KHDRBS2: variants seen among roughly 807,000 people sequenced by gnomAD.
KHDRBS2 encodes KH domain-containing, RNA-binding, signal transduction-associated protein 2.
A neutral mutation model predicts 44.3 loss-of-function variants in KHDRBS2; 26 were observed. The ratio of observed to expected loss-of-function variants is 0.59; its 90% confidence interval spans 0.43 to 0.81. KHDRBS2 has a LOEUF of 0.81. Ranked by LOEUF, KHDRBS2 falls within the 40% of genes least tolerant of loss-of-function variation. The pLI, the probability that KHDRBS2 is intolerant of heterozygous loss-of-function variation, is 0.00. For synonymous variants in KHDRBS2, 194 were observed against 151.1 expected (o/e 1.28, Z -2.08); for missense variants, 476 against 433.1 (o/e 1.10, Z -0.88).
At chr6:62,036,636 A>G (rs933833755) in intron 3 of KHDRBS2, among the ~76,000 whole-genome samples, 1 of 152,016 alleles carries the variant, frequency 6.6e-6, no homozygotes, top group Non-Finnish European at 1.5e-5. Context: ...GGCTTGGAAA[A>G]GTGTATTTCT....
chr6:62,071,721 C>T (rs1358287503), intron 2 of KHDRBS2, among the ~76,000 whole-genome samples: 1 of 152,142 alleles, frequency 6.6e-6, no homozygotes, highest in East Asian at 1.9e-4. Context: ...GGTACCAGTA[C>T]CATGCTGTTT....
intron 1 of KHDRBS2, among the ~76,000 whole-genome samples, chr6:62,239,809 C>T (rs568992844): frequency 6.6e-6 from 1 of 151,924 alleles, no homozygotes; most frequent in African/African-American, 2.4e-5. Flanking sequence ...TCTCAGCCTC[C>T]TGAGTAGCTG....
At chr6:62,187,051 T>A (rs545520131) in intron 1 of KHDRBS2, among the ~76,000 whole-genome samples, 2 of 152,132 alleles carry the variant, frequency 1.3e-5, no homozygotes, top group Non-Finnish European at 2.9e-5. Flanking sequence ...AGATCTTACA[T>A]TGATATTCCA....
chr6:61,876,132 C>T (rs1213534892), intron 6 of KHDRBS2, among the ~76,000 whole-genome samples: 1 of 152,014 alleles, frequency 6.6e-6, no homozygotes, highest in Non-Finnish European at 1.5e-5. Flanking sequence ...TTTATGGCCT[C>T]CAAACCATTA....
chr6:62,014,124 T>G (rs187516622), intron 3 of KHDRBS2, among the ~76,000 whole-genome samples: 3 of 152,322 alleles, frequency 2.0e-5, no homozygotes, highest in Non-Finnish European at 4.4e-5. Flanking sequence ...GTGTGGTGTA[T>G]GTACTAATTG....
intron 2 of KHDRBS2, among the ~76,000 whole-genome samples, chr6:62,081,880 T>A (rs1797468849): frequency 6.6e-6 from 1 of 152,036 alleles, no homozygotes; most frequent in Non-Finnish European, 1.5e-5. Context: ...ATACACAAAG[T>A]CACCTACTCT....
At chr6:61,612,419 C>T in the KHDRBS2 span, among the ~76,000 whole-genome samples, 1 of 152,230 alleles carries the variant, frequency 6.6e-6, no homozygotes, top group Admixed American at 6.5e-5. Flanking sequence ...TGGTCATTTC[C>T]CAACCAGCTC....
intron 1 of KHDRBS2, among the ~76,000 whole-genome samples, chr6:62,282,333 T>G (rs1378964306): frequency 6.6e-6 from 1 of 152,118 alleles, no homozygotes; most frequent in Non-Finnish European, 1.5e-5. Flanking sequence ...GCGCCTACAG[T>G]TTTTTGAAAA....
chr6:62,220,447 C>T (rs932119300), intron 1 of KHDRBS2, among the ~76,000 whole-genome samples: 15 of 151,730 alleles, frequency 9.9e-5, no homozygotes, highest in Non-Finnish European at 1.5e-4. Flanking sequence ...CACAAATATA[C>T]ATAAGTGTAT....
chr6:61,982,804 G>C (rs1011150147), intron 3 of KHDRBS2, among the ~76,000 whole-genome samples: 1 of 152,200 alleles, frequency 6.6e-6, no homozygotes, highest in African/African-American at 2.4e-5. Flanking sequence ...GGCCTCAGTA[G>C]ACTAAGAAAG....
chr6:61,604,468 C>A, the KHDRBS2 span, among the ~76,000 whole-genome samples: 3 of 152,320 alleles, frequency 2.0e-5, no homozygotes, highest in Non-Finnish European at 2.9e-5. Flanking sequence ...GCAAATGGTT[C>A]TTGGACCAAA....
At chr6:61,684,258 T>G (rs1461565288) in intron 8 of KHDRBS2, among the ~76,000 whole-genome samples, 1 of 151,874 alleles carries the variant, frequency 6.6e-6, no homozygotes, top group Non-Finnish European at 1.5e-5. Context: ...AAGCCCCTCA[T>G]TGCTCACCAG....
intron 1 of KHDRBS2, among the ~76,000 whole-genome samples, chr6:62,188,767 G>A (rs1244431415): frequency 6.6e-6 from 1 of 152,146 alleles, no homozygotes; most frequent in Admixed American, 6.6e-5. Context: ...TACCACTTCT[G>A]AAAATAGGTC....
intron 6 of KHDRBS2, among the ~76,000 whole-genome samples, chr6:61,801,040 A>T (rs1786176406): frequency 6.6e-6 from 1 of 152,158 alleles, no homozygotes; most frequent in South Asian, 2.1e-4. Context: ...CTGTCTAAGG[A>T]TGATAACAGG....
chr6:61,901,135 G>A, intron 5 of KHDRBS2, 109 bp downstream of exon 5: 41 of 1,009,232 alleles, frequency 4.1e-5, no homozygotes, highest in Non-Finnish European at 6.0e-5. Context: ...TGTGGTGGTA[G>A]TGATTGTGGC....
intron 1 of KHDRBS2, among the ~76,000 whole-genome samples, chr6:62,252,316 G>T (rs1436191891): frequency 6.6e-6 from 1 of 151,796 alleles, no homozygotes; most frequent in East Asian, 1.9e-4. Flanking sequence ...ATCACTGCTG[G>T]TCTTCATTCA....
chr6:62,231,370 C>T (rs1407351901), intron 1 of KHDRBS2, among the ~76,000 whole-genome samples: 1 of 152,144 alleles, frequency 6.6e-6, no homozygotes, highest in African/African-American at 2.4e-5. Flanking sequence ...GAAGTTCGAG[C>T]AGGGAAATGC....
chr6:61,780,059 C>T lies in KHDRBS2; in HGVS notation c.811-47295G>A, dbSNP rs577189040. ...AAGTATTTTGAAGTACACGGTGTAC[C>T]CTCAGTATATTTTTCTCCATGAAAT... On this transcript the variant is annotated intron_variant, in intron 6 of 8. Coordinates refer to ENST00000281156, the MANE Select transcript of KHDRBS2 (RefSeq NM_152688.4). Among the ~76,000 whole-genome samples the T allele has an allele frequency of 7.9e-5, 12 of 152,160 alleles. No individual in the cohort carries two copies. In the South Asian group the frequency reaches 2.5e-3, roughly 32 times the overall value.
chr6:61,566,712 A>G, the KHDRBS2 span, among the ~76,000 whole-genome samples: 5 of 106,864 alleles, frequency 4.7e-5, no homozygotes, highest in East Asian at 1.3e-3. Context: ...ACTTTAAAAA[A>G]CGTTCGCTCT....
Sources: gnomAD v4.1 joint callset for allele counts (sites outside exome capture counted in the v4.1 genomes callset) on GRCh38, gnomAD v4.1.1 for gene constraint, MANE v1.5 for transcripts, NCBI Gene and HGNC (gene_info 2026-07-23, HGNC 2026-07-21) for gene names.